VSX1: variants seen among roughly 807,000 people sequenced by gnomAD.
VSX1 encodes the protein visual system homeobox 1, also known as homeodomain protein RINX.
In VSX1, 23 loss-of-function variants were observed where a neutral mutation model predicts 23.6. The ratio of observed to expected loss-of-function variants is 0.97; its 90% CI spans 0.70 to 1.38. The LOEUF (loss-of-function observed/expected upper bound fraction) is 1.38. VSX1 is among the 40% of genes most tolerant of loss of function. The pLI, the probability that VSX1 is intolerant of heterozygous loss-of-function variation, is 0.00. For missense variants in VSX1, 517 were observed against 495.4 expected (o/e 1.04, Z -0.41); for synonymous variants, 247 against 215.1 (o/e 1.15, Z -1.30).
intron 2 of VSX1, 94 bp downstream of exon 2, chr20:25,079,342 T>C: frequency 7.6e-7 from 1 of 1,321,096 alleles, no homozygotes; most frequent in Non-Finnish European, 1.0e-6. Context: ...GGGCCTGCTA[T>C]CATGCCGGGC....
chr20:25,071,178 T>G (rs1423755570), downstream of VSX1: 4 of 453,504 alleles, frequency 8.8e-6, no homozygotes, highest in East Asian at 2.1e-4. Context: ...CCATTTAAAA[T>G]TTCAGGCTGC....
At chr20:25,071,961 G>T, downstream of VSX1, 1 of 643,982 alleles carries the variant, frequency 1.6e-6, no homozygotes, top group South Asian at 1.8e-5. Context: ...GGTCTGGGGA[G>T]CCTGTGTGTC....
intron 1 of VSX1, chr20:25,081,322 G>A (rs1427765619): frequency 5.6e-6 from 3 of 532,426 alleles, no homozygotes; most frequent in East Asian, 9.3e-5. Context: ...GACCCACGCA[G>A]CTGCCAGAGG....
chr20:25,074,068 C>A (rs552907173), downstream of VSX1, among the ~76,000 whole-genome samples: 1 of 152,296 alleles, frequency 6.6e-6, no homozygotes, highest in South Asian at 2.1e-4. Context: ...TAATGATAAA[C>A]TTTCTCGTTT....
chr20:25,077,007 A>G (rs2089511035), intron 4 of VSX1, among the ~76,000 whole-genome samples: 1 of 152,154 alleles, frequency 6.6e-6, no homozygotes, highest in African/African-American at 2.4e-5. Flanking sequence ...CTGAGCAAAA[A>G]ACTTCCTCCA....
At chr20:25,071,962 C>T (rs531692078), downstream of VSX1, 2 of 642,556 alleles carry the variant, frequency 3.1e-6, no homozygotes, top group East Asian at 2.7e-5. Flanking sequence ...GTCTGGGGAG[C>T]CTGTGTGTCT....
chr20:25,071,793 C>T (rs2122830496), downstream of VSX1: 2 of 705,368 alleles, frequency 2.8e-6, no homozygotes, highest in Non-Finnish European at 5.2e-6. Flanking sequence ...ATGGGGTGCC[C>T]TGCAGGGGGC....
At chr20:25,081,587 G>A (rs2089643865) in intron 1 of VSX1, 86 bp downstream of exon 1, 1 of 1,545,334 alleles carries the variant, frequency 6.5e-7, no homozygotes, top group Non-Finnish European at 8.8e-7. Flanking sequence ...TGGGGCCAGG[G>A]GTGCGGTGGG....
chr20:25,081,446 T>C, intron 1 of VSX1: 2 of 797,258 alleles, frequency 2.5e-6, no homozygotes, highest in South Asian at 1.3e-5. Context: ...CGGTCTCACA[T>C]CGCTGAGGGA....
chr20:25,071,364 T>G (rs1428564840), downstream of VSX1: 9 of 453,872 alleles, frequency 2.0e-5, 1 homozygote, highest in South Asian at 1.4e-4. Flanking sequence ...CCTAGCAACA[T>G]AGGAGACTGA....
At chr20:25,079,292 T>C (rs2089586714) in intron 2 of VSX1, 144 bp downstream of exon 2, 1 of 771,306 alleles carries the variant, frequency 1.3e-6, no homozygotes, top group African/African-American at 1.8e-5. Context: ...TCTTCCCAAA[T>C]GGCTTCTGTG....
At chr20:25,074,114 GTAA>G (rs2089438754), downstream of VSX1, among the ~76,000 whole-genome samples, 1 of 152,168 alleles carries the variant, frequency 6.6e-6, no homozygotes, top group African/African-American at 2.4e-5. Context: ...AATAATTACA[GTAA>G]TAATAGTTAA....
rs569086129 is a variant in VSX1 at position 25,076,545 on chromosome 20, G to A, written c.814C>T (p.His272Tyr). Residue 272 changes from histidine to tyrosine, a missense_variant, in exon 5 of 5, where the codon CAT becomes TAT. Coordinates refer to ENST00000376709, the MANE Select transcript of VSX1 (RefSeq NM_014588.6). ...GSCAPWLLGM[H>Y]KKSMGMIRKP... ...CTTATCATCCCCATGGATTTTTTAT[G>A]CATCCCTTGTAAAAAAAAAAATAAA... 26 of 1,597,732 alleles carry A rather than the reference G, an allele frequency of 1.6e-5. No homozygotes were observed. In the African/African-American group the frequency reaches 3.4e-4, roughly 21 times the overall value.
chr20:25,075,662 G>A lies in VSX1; in HGVS notation c.*599C>T, dbSNP rs1421660476. 6.6e-6 allele frequency: 1 copy of A among 152,330 alleles called. No homozygotes were observed. The highest frequency in any genetic ancestry group is 1.5e-5 in the Non-Finnish European group (1 of 68,172). 9.4% of individuals were successfully genotyped at this position (152,330 alleles called of 1,614,324 possible). A position where few individuals can be genotyped will look rare whatever the true frequency, so the allele number is the denominator to read the frequency against. ...AATATGATCCCATGCTATTTTTAAAGGAAATGCAGAAACGACTAGAGTATG... is the reference window on the plus strand; with the variant it reads ...AATATGATCCCATGCTATTTTTAAAAGAAATGCAGAAACGACTAGAGTATG... On this transcript the variant is annotated 3_prime_UTR_variant, in exon 5 of 5. Coordinates refer to ENST00000376709, the MANE Select transcript of VSX1 (RefSeq NM_014588.6).
intron 3 of VSX1, among the ~76,000 whole-genome samples, chr20:25,078,322 A>G (rs942314578): frequency 6.6e-6 from 1 of 152,222 alleles, no homozygotes; most frequent in East Asian, 1.9e-4. Flanking sequence ...ATAAAGGACT[A>G]TTATGAAATA....
Position 25,081,704 on chromosome 20 carries a change from G to A in VSX1, c.393C>T (p.Arg131=), listed in dbSNP as rs778744031. 6.6e-7 allele frequency: 1 copy of A among 1,505,656 alleles called. No homozygotes were observed. Among genetic ancestry groups the A allele is most frequent in the South Asian group, 1.3e-5 (1 of 79,744 alleles). The allele number at this position is 1,505,656 out of a possible 1,614,324, so 93.3% of individuals were successfully genotyped here. The stretch of plus-strand genomic sequence containing the variant: ...TGGAGACGCTGTCGCTGCGCTTCTG[G>A]CGGCCGAGCGCAGGCGGCGGACGGC... The part of the protein sequence containing the change: ...APSRPPPALG[R]QKRSDSVSTS... The change falls in exon 1 of 5, where the codon CGC becomes CGT. Residue 131 remains arginine, a synonymous_variant. Coordinates refer to ENST00000376709, the MANE Select transcript of VSX1 (RefSeq NM_014588.6).
chr20:25,072,645 T>C (rs757118239), downstream of VSX1: 20 of 471,074 alleles, frequency 4.2e-5, no homozygotes, highest in South Asian at 2.5e-4. Context: ...TCTCACCCTC[T>C]GAGAATGCAA....
At position 25,076,327 on chromosome 20, in the gene VSX1, AC is replaced by A. The variant is rs2089490486; in HGVS notation, c.1031del (p.Gly344ValfsTer64). The A allele has an allele frequency of 1.2e-6, 2 of 1,614,178 alleles. No individual in the cohort carries two copies. Among genetic ancestry groups the A allele is most frequent in the East Asian group, 2.2e-5 (1 of 44,878 alleles). On this transcript the variant is annotated frameshift_variant, in exon 5 of 5. Transcript: ENST00000376709. LOFTEE classifies it low-confidence loss of function (END_TRUNC). ...CCGTGGAGTTGGAGCCTCCTTGAGC[AC>A]CAGCCCCAGGGTGCACTTTCTTGGT... ...QETKKVHPGA[G>X]AQGGSNSTAL...
intron 3 of VSX1, 102 bp from the exon 4 acceptor site, chr20:25,077,967 G>T: frequency 7.2e-7 from 1 of 1,397,696 alleles, no homozygotes; most frequent in Non-Finnish European, 9.9e-7. Context: ...CTTCTCTCCC[G>T]AGCATGATCC....
Sources: allele counts gnomAD v4.1 joint callset (sites outside exome capture counted in the v4.1 genomes callset), GRCh38; gene constraint gnomAD v4.1.1; transcripts MANE v1.5; gene names NCBI Gene and HGNC (gene_info 2026-07-23, HGNC 2026-07-21).